Variants in UNC5D observed in about 807,000 individuals in gnomAD.
UNC5D encodes netrin receptor UNC5D.
UNC5D carries 39 observed loss-of-function variants against 105.4 expected under a neutral mutation model. The ratio of observed to expected loss-of-function variants is 0.37; its 90% CI spans 0.29 to 0.48. UNC5D has a LOEUF of 0.48. Ranked by LOEUF, UNC5D falls within the 20% of genes least tolerant of loss-of-function variation. The pLI is 0.98. For synonymous variants in UNC5D, 452 were observed against 450.4 expected, an observed-to-expected ratio of 1.00 and a Z score of -0.04; for missense variants, 991 against 1,202.4, an observed-to-expected ratio of 0.82 and a Z score of 2.60.
At chr8:35,325,090 G>T (rs535843039) in intron 1 of UNC5D, among the ~76,000 whole-genome samples, 15 of 152,250 alleles carry the variant, frequency 9.9e-5, no homozygotes, top group African/African-American at 3.6e-4. Context: ...ATTGGAAATG[G>T]CCTCAGAAAT....
At chr8:35,572,406 T>G (rs1439160) in intron 3 of UNC5D, among the ~76,000 whole-genome samples, 13,700 of 151,742 alleles carry the variant, frequency 0.09, 640 homozygotes, top group Middle Eastern at 0.099. Flanking sequence ...GGTCTTGACA[T>G]GATCACCTTA....
At chr8:35,255,116 C>T (rs1309042615) in intron 1 of UNC5D, 7 of 152,162 alleles carry the variant, frequency 4.6e-5, no homozygotes, top group African/African-American at 1.7e-4. Context: ...GCTGGTTTCT[C>T]TTAGTCGCCA....
intron 1 of UNC5D, among the ~76,000 whole-genome samples, chr8:35,511,623 A>G (rs1349970104): frequency 6.6e-6 from 1 of 152,122 alleles, no homozygotes; most frequent in East Asian, 1.9e-4. Context: ...AGTGGTAGGA[A>G]GGATCTAATC....
Position 35,697,401 on chromosome 8 carries a change from ACCTAAAATCAG to A in UNC5D, c.1085-8525_1085-8515del, listed in dbSNP as rs1192140965. ...TGAGGAGAAGTTTATTCTCATTCAC[ACCTAAAATCAG>A]CCATTTGAGTGGCTGTTACGTAAGG... On this transcript the variant is annotated intron_variant, in intron 7 of 16. Transcript: ENST00000404895. 7.9e-5 allele frequency among the ~76,000 whole-genome samples: 12 copies of A among 151,414 alleles called. No homozygotes were observed. In the East Asian group the frequency reaches 2.3e-3, roughly 30 times the overall value.
At chr8:35,238,478 G>A (rs531774831) in intron 1 of UNC5D, among the ~76,000 whole-genome samples, 2 of 152,322 alleles carry the variant, frequency 1.3e-5, no homozygotes, top group Non-Finnish European at 2.9e-5. Context: ...CTGGTGCCAT[G>A]ATCACTGTAT....
intron 4 of UNC5D, among the ~76,000 whole-genome samples, chr8:35,628,492 G>A (rs1460107651): frequency 6.6e-6 from 1 of 152,132 alleles, no homozygotes; most frequent in African/African-American, 2.4e-5. Flanking sequence ...TGCTTTTAAA[G>A]ATGTTCATGT....
intron 1 of UNC5D, among the ~76,000 whole-genome samples, chr8:35,256,789 T>G (rs1804102865): frequency 6.6e-6 from 1 of 152,048 alleles, no homozygotes; most frequent in African/African-American, 2.4e-5. Context: ...TCCAGGATTC[T>G]TTGGATATAT....
At chr8:35,427,357 G>A (rs1339716753) in intron 1 of UNC5D, among the ~76,000 whole-genome samples, 2 of 152,164 alleles carry the variant, frequency 1.3e-5, no homozygotes, top group African/African-American at 4.8e-5. Flanking sequence ...ACCCACCTGG[G>A]GCTACCTTGG....
At chr8:35,313,763 T>A (rs1055211893) in intron 1 of UNC5D, among the ~76,000 whole-genome samples, 1 of 152,178 alleles carries the variant, frequency 6.6e-6, no homozygotes, top group African/African-American at 2.4e-5. Flanking sequence ...CGCAGCTTCA[T>A]CATTTGTTAC....
At chr8:35,423,020 T>G (rs1257563673) in intron 1 of UNC5D, among the ~76,000 whole-genome samples, 1 of 152,194 alleles carries the variant, frequency 6.6e-6, no homozygotes, top group African/African-American at 2.4e-5. Flanking sequence ...GAGCAGTTGC[T>G]GGAATCCAGG....
chr8:35,269,968 T>C (rs1034222881), intron 1 of UNC5D, among the ~76,000 whole-genome samples: 1 of 152,176 alleles, frequency 6.6e-6, no homozygotes, highest in East Asian at 1.9e-4. Context: ...ATGAGAGATC[T>C]TTAGTGGCAC....
intron 1 of UNC5D, among the ~76,000 whole-genome samples, chr8:35,434,524 T>G (rs1047087987): frequency 6.6e-6 from 1 of 152,112 alleles, no homozygotes; most frequent in Non-Finnish European, 1.5e-5. Flanking sequence ...CACTATTGGC[T>G]TTTTTGGTAA....
At chr8:35,701,764 T>A (rs1363807100) in intron 7 of UNC5D, among the ~76,000 whole-genome samples, 1 of 151,840 alleles carries the variant, frequency 6.6e-6, no homozygotes, top group Non-Finnish European at 1.5e-5. Flanking sequence ...AAATGATAAA[T>A]CACTGGCAAT....
chr8:35,734,566 A>G (rs1436517387), intron 11 of UNC5D, among the ~76,000 whole-genome samples: 1 of 151,748 alleles, frequency 6.6e-6, no homozygotes. Flanking sequence ...ATGTGCCACC[A>G]TGCCTGGCTA....
At chr8:35,606,542 C>T (rs994479253) in intron 4 of UNC5D, among the ~76,000 whole-genome samples, 3 of 151,982 alleles carry the variant, frequency 2.0e-5, no homozygotes, top group African/African-American at 4.8e-5. Flanking sequence ...AACATAGTAC[C>T]CCACAGGTAG....
intron 1 of UNC5D, among the ~76,000 whole-genome samples, chr8:35,411,923 G>A (rs565881949): frequency 2.0e-5 from 3 of 152,108 alleles, no homozygotes; most frequent in African/African-American, 7.2e-5. Flanking sequence ...TACTCAAAAT[G>A]AAAGACAAGA....
At chr8:35,344,140 A>T (rs962312489) in intron 1 of UNC5D, among the ~76,000 whole-genome samples, 60 of 152,210 alleles carry the variant, frequency 3.9e-4, no homozygotes, top group African/African-American at 1.3e-3. Flanking sequence ...TCTTGTAAGC[A>T]AGAGAGGCCT....
At chr8:35,611,911 T>G (rs548892791) in intron 4 of UNC5D, among the ~76,000 whole-genome samples, 2 of 152,302 alleles carry the variant, frequency 1.3e-5, no homozygotes, top group African/African-American at 4.8e-5. Flanking sequence ...TTCCACAGAT[T>G]AAAATTGTTG....
chr8:35,521,305 T>C (rs1422392692), intron 1 of UNC5D, among the ~76,000 whole-genome samples: 1 of 152,108 alleles, frequency 6.6e-6, no homozygotes, highest in Non-Finnish European at 1.5e-5. Context: ...AAAATGAATA[T>C]CTGATACTCT....
Sources: allele counts gnomAD v4.1 joint callset (sites outside exome capture counted in the v4.1 genomes callset), GRCh38; gene constraint gnomAD v4.1.1; transcripts MANE v1.5; gene names NCBI Gene and HGNC (gene_info 2026-07-23, HGNC 2026-07-21).